The following UBE2E2 variants were observed in gnomAD, a reference collection of about 807,000 sequenced individuals.
The protein encoded by UBE2E2 is ubiquitin conjugating enzyme E2 E2, also known as ubiquitin-conjugating enzyme E2 E2.
UBE2E2 carries 6 observed loss-of-function variants against 24.7 expected under a neutral mutation model. The ratio of observed to expected loss-of-function variants is 0.24; its 90% confidence interval spans 0.13 to 0.48. The LOEUF (loss-of-function observed/expected upper bound fraction) is 0.48, where lower values mean the gene tolerates loss of function less well. Among genes scored for constraint, UBE2E2 ranks in the 20% least tolerant of loss-of-function variants. The probability of loss-of-function intolerance (pLI) is 0.99; values close to 1 mark genes in which losing one functional copy is unlikely to be tolerated. For synonymous variants in UBE2E2, 104 were observed against 83.6 expected (o/e 1.24, Z -1.33); for missense variants, 169 against 245.0 (o/e 0.69, Z 2.07).
chr3:23,449,460 G>A (rs972846076), intron 3 of UBE2E2, among the ~76,000 whole-genome samples: 2 of 152,280 alleles, frequency 1.3e-5, no homozygotes, highest in South Asian at 2.1e-4. Context: ...TTCGGATGGG[G>A]TAAGAATGAG....
At chr3:23,332,028 C>A (rs540897559) in intron 3 of UBE2E2, among the ~76,000 whole-genome samples, 1 of 151,822 alleles carries the variant, frequency 6.6e-6, no homozygotes, top group Non-Finnish European at 1.5e-5. Flanking sequence ...TACCTTAATA[C>A]GGATCTGAAA....
At chr3:23,385,941 C>A (rs1696795701) in intron 3 of UBE2E2, among the ~76,000 whole-genome samples, 1 of 152,118 alleles carries the variant, frequency 6.6e-6, no homozygotes, top group Non-Finnish European at 1.5e-5. Flanking sequence ...ATTGTGAGAA[C>A]TGGATAAATT....
At chr3:23,411,381 G>T (rs563670295) in intron 3 of UBE2E2, among the ~76,000 whole-genome samples, 1 of 152,018 alleles carries the variant, frequency 6.6e-6, no homozygotes, top group African/African-American at 2.4e-5. Context: ...TAGACTTTGG[G>T]GAGAAAAGCA....
chr3:23,406,506 AG>A (rs1182220735), intron 3 of UBE2E2, among the ~76,000 whole-genome samples: 3 of 152,200 alleles, frequency 2.0e-5, no homozygotes, highest in African/African-American at 7.2e-5. Flanking sequence ...AGTAAGTAGT[AG>A]TTTTTAATAT....
chr3:23,213,533 C>T (rs928391102), intron 2 of UBE2E2, among the ~76,000 whole-genome samples: 1 of 151,970 alleles, frequency 6.6e-6, no homozygotes, highest in Non-Finnish European at 1.5e-5. Context: ...GTGTATTGCT[C>T]CTTGACTTGT....
intron 3 of UBE2E2, among the ~76,000 whole-genome samples, chr3:23,354,875 C>G (rs1232373123): frequency 6.6e-6 from 1 of 152,218 alleles, no homozygotes; most frequent in African/African-American, 2.4e-5. Flanking sequence ...CATCCCATTA[C>G]TGGGTATATA....
At position 23,556,261 on chromosome 3, in the gene UBE2E2, C is replaced by T. The variant is rs1695779350; in HGVS notation, c.508+23560C>T. ...CCAGGTTCAAGCGATTCTTCTGCCT[C>T]AAGCTCCTGAGTAGCTGGGACTACA... On this transcript the variant is annotated intron_variant, in intron 5 of 5. Transcript: ENST00000396703. Among the ~76,000 whole-genome samples, 3 of 148,564 alleles carry T rather than the reference C, an allele frequency of 2.0e-5. No individual in the cohort carries two copies. The Admixed American group carries it at 2.0e-4, about 10-fold the overall frequency.
intron 3 of UBE2E2, among the ~76,000 whole-genome samples, chr3:23,481,078 A>G (rs1437660010): frequency 6.6e-6 from 1 of 152,230 alleles, no homozygotes; most frequent in Non-Finnish European, 1.5e-5. Context: ...ATCTTAACAT[A>G]TAAATAATGA....
chr3:23,257,526 CCCACTTT>C (rs1697767393), intron 3 of UBE2E2, among the ~76,000 whole-genome samples: 5 of 18,558 alleles, frequency 2.7e-4, no homozygotes, highest in African/African-American at 6.0e-4. Context: ...CCCCCCCCCC[CCCACTTT>C]TTTTTTTTTT....
At chr3:23,542,771 C>G (rs1575695841) in intron 5 of UBE2E2, among the ~76,000 whole-genome samples, 1 of 152,220 alleles carries the variant, frequency 6.6e-6, no homozygotes, top group South Asian at 2.1e-4. Context: ...TCTGGGAACT[C>G]AAATTTGGTG....
chr3:23,532,304 CTT>C (rs1277665125), intron 4 of UBE2E2, among the ~76,000 whole-genome samples: 1 of 152,082 alleles, frequency 6.6e-6, no homozygotes, highest in African/African-American at 2.4e-5. Flanking sequence ...TAACAGGACT[CTT>C]TATAAGAAGC....
chr3:23,384,017 T>G (rs1696744910), intron 3 of UBE2E2, among the ~76,000 whole-genome samples: 1 of 152,194 alleles, frequency 6.6e-6, no homozygotes, highest in South Asian at 2.1e-4. Context: ...GTTTTGTATT[T>G]TTGGAGATTG....
intron 5 of UBE2E2, among the ~76,000 whole-genome samples, chr3:23,552,449 T>G (rs1695668135): frequency 6.6e-6 from 1 of 152,198 alleles, no homozygotes; most frequent in Admixed American, 6.5e-5. Context: ...CTGGATTTCA[T>G]GATAAGCGCC....
intron 3 of UBE2E2, among the ~76,000 whole-genome samples, chr3:23,429,563 G>A (rs1294074271): frequency 6.6e-6 from 1 of 152,126 alleles, no homozygotes; most frequent in Admixed American, 6.5e-5. Context: ...AAGGGCACTT[G>A]ACAAAATTCA....
At chr3:23,375,708 A>G (rs1343580230) in intron 3 of UBE2E2, among the ~76,000 whole-genome samples, 4 of 152,194 alleles carry the variant, frequency 2.6e-5, no homozygotes, top group Non-Finnish European at 5.9e-5. Flanking sequence ...ATGTTTCTAT[A>G]TAAAGAATCA....
At chr3:23,350,420 A>C (rs1695707624) in intron 3 of UBE2E2, among the ~76,000 whole-genome samples, 1 of 152,246 alleles carries the variant, frequency 6.6e-6, no homozygotes, top group Non-Finnish European at 1.5e-5. Context: ...AGAAGGCTTC[A>C]GACAATCAAA....
chr3:23,342,579 GAATGCA>G (rs755700461), intron 3 of UBE2E2, among the ~76,000 whole-genome samples: 16 of 152,154 alleles, frequency 1.1e-4, no homozygotes, highest in Admixed American at 3.3e-4. Flanking sequence ...CCTGGTTATA[GAATGCA>G]CATGCATTCT....
chr3:23,555,421 A>G (rs1413553967), intron 5 of UBE2E2, among the ~76,000 whole-genome samples: 1 of 152,210 alleles, frequency 6.6e-6, no homozygotes, highest in African/African-American at 2.4e-5. Context: ...GTATACTCTT[A>G]GTGGAAACAT....
At chr3:23,478,715 A>T (rs1353380231) in intron 3 of UBE2E2, among the ~76,000 whole-genome samples, 1 of 152,160 alleles carries the variant, frequency 6.6e-6, no homozygotes, top group Non-Finnish European at 1.5e-5. Flanking sequence ...TTTACCTATT[A>T]TGTGCAGAGA....
Sources: gnomAD v4.1 joint callset for allele counts (sites outside exome capture counted in the v4.1 genomes callset) on GRCh38, gnomAD v4.1.1 for gene constraint, MANE v1.5 for transcripts, NCBI Gene and HGNC (gene_info 2026-07-23, HGNC 2026-07-21) for gene names.